The following KCTD15 variants were observed in gnomAD, a reference collection of about 807,000 sequenced individuals.
KCTD15 encodes potassium channel tetramerization domain containing 15, also known as BTB/POZ domain-containing protein KCTD15.
In KCTD15, 11 loss-of-function variants were observed where a neutral mutation model predicts 27.2. That is an observed-to-expected ratio of 0.41 (90% CI 0.25 to 0.67). KCTD15 has a LOEUF of 0.67. Ranked by LOEUF, KCTD15 falls within the 30% of genes least tolerant of loss-of-function variation. The probability of loss-of-function intolerance (pLI) is 0.35; values close to 1 mark genes in which losing one functional copy is unlikely to be tolerated. For missense variants in KCTD15, 350 were observed against 409.3 expected, an observed-to-expected ratio of 0.86 and a Z score of 1.25; for synonymous variants, 163 against 176.0, an observed-to-expected ratio of 0.93 and a Z score of 0.58.
At chr19:33,802,623 G>T (rs1176449874) in intron 4 of KCTD15, among the ~76,000 whole-genome samples, 2 of 151,894 alleles carry the variant, frequency 1.3e-5, no homozygotes, top group Non-Finnish European at 2.9e-5. Context: ...GGCTTGTGGG[G>T]TGGGGACAAG....
chr19:33,794,184 C>T (rs539152637), upstream of KCTD15, among the ~76,000 whole-genome samples: 1 of 152,296 alleles, frequency 6.6e-6, no homozygotes, highest in East Asian at 1.9e-4. Context: ...CACTTAGTAG[C>T]TCTGTAGTTC....
chr19:33,801,116 T>A (rs1420155341), intron 3 of KCTD15, 51 bp from the exon 4 acceptor site: 2 of 1,521,034 alleles, frequency 1.3e-6, no homozygotes, highest in African/African-American at 2.8e-5. Context: ...GTGGAGAAAC[T>A]CTTGTGTTCC....
In KCTD15 at chr19:33,812,485, G is replaced by A. The variant is rs78837537; in HGVS notation, c.694-305G>A. On this transcript the variant is annotated intron_variant, in intron 6 of 6. Coordinates refer to ENST00000683859, the MANE Select transcript of KCTD15 (RefSeq NM_001129994.2). ...GGTTACACCCTACAGAATAAAGAAG[G>A]GACCCAAAGCCTCTTTTTGCCTCCC... 0.012 allele frequency: 14,432 copies of A among 1,191,988 alleles called. 1,343 individuals are homozygous for A. In the African/African-American group the frequency reaches 0.2, roughly 17 times the overall value. The allele number at this position is 1,191,988 out of a possible 1,614,324, so 73.8% of individuals were successfully genotyped here.
chr19:33,812,972 G>GC lies in KCTD15; in HGVS notation c.*31dup, dbSNP rs541294534. The GC allele has an allele frequency of 1.7e-4, 252 of 1,526,862 alleles. No homozygotes were observed. In the African/African-American group the frequency reaches 2.3e-3, roughly 14 times the overall value. The allele number at this position is 1,526,862 out of a possible 1,614,324, so 94.6% of individuals were successfully genotyped here. ...AGGCCCTGCTTCAGTGCCCACCTGG[G>GC]CCCCCCCAGGGACCTGGAAACAGTG... is the stretch of plus-strand genomic sequence containing the variant. On this transcript the variant is annotated 3_prime_UTR_variant, in exon 7 of 7. Transcript: ENST00000683859.
chr19:33,804,882 A>C (rs1975665761), intron 4 of KCTD15, among the ~76,000 whole-genome samples: 1 of 152,172 alleles, frequency 6.6e-6, no homozygotes. Flanking sequence ...TCGGGCTCAC[A>C]GCAGACTCTG....
chr19:33,811,191 T>TCCCCCCC, intron 5 of KCTD15, 56 bp from the exon 6 acceptor site: 2 of 615,002 alleles, frequency 3.3e-6, no homozygotes, highest in Non-Finnish European at 4.9e-6. Context: ...CTCTCCCCCT[T>TCCCCCCC]CCCCCACCAC....
At position 33,800,478 on chromosome 19, in the gene KCTD15, G is replaced by A. The variant is rs770004544; in HGVS notation, c.24G>A (p.Pro8=). The change falls in exon 3 of 7, where the codon CCG becomes CCA. Residue 8 remains proline, a synonymous_variant. Coordinates refer to ENST00000683859, the MANE Select transcript of KCTD15 (RefSeq NM_001129994.2). MPHRKER[P]SGSSLHTHGS... ...AGATGCCTCACCGCAAGGAGCGGCC[G>A]AGCGGGTCCTCGCTTCACACACACG... is the stretch of plus-strand genomic sequence containing the variant. The A allele has an allele frequency of 6.9e-6, 11 of 1,605,654 alleles. No individual in the cohort carries two copies. The highest frequency in any genetic ancestry group is 5.6e-5 in the South Asian group (5 of 88,872).
Position 33,806,858 on chromosome 19 carries a change from C to T in KCTD15, c.243-5C>T, listed in dbSNP as rs1189774126. ...CAGACATCCCACCTCGCCTGTCTCT[C>T]CCAGGATAAGCCGCCTCTTCAATGG... On this transcript the variant is annotated splice_polypyrimidine_tract_variant and splice_region_variant and intron_variant, in intron 4 of 6. Coordinates refer to ENST00000683859, the MANE Select transcript of KCTD15 (RefSeq NM_001129994.2). 10 of 1,613,352 alleles carry T rather than the reference C, an allele frequency of 6.2e-6. No individual in the cohort carries two copies. In the Admixed American group the frequency reaches 1.5e-4, roughly 24 times the overall value.
chr19:33,800,967 T>G (rs1024197494), intron 3 of KCTD15, among the ~76,000 whole-genome samples, 200 bp from the exon 4 acceptor site: 1 of 152,212 alleles, frequency 6.6e-6, no homozygotes, highest in Admixed American at 6.5e-5. Flanking sequence ...CCTCTGGTAC[T>G]TTGAAGAAAA....
At chr19:33,797,631 GAC>G (rs1369420815) in intron 1 of KCTD15, among the ~76,000 whole-genome samples, 3 of 152,044 alleles carry the variant, frequency 2.0e-5, no homozygotes, top group Non-Finnish European at 2.9e-5. Flanking sequence ...CCCTGACCTG[GAC>G]GCGCGCACCC....
intron 5 of KCTD15, 112 bp from the exon 6 acceptor site, chr19:33,811,135 A>C: frequency 1.1e-6 from 1 of 876,080 alleles, no homozygotes; most frequent in Non-Finnish European, 1.7e-6. Flanking sequence ...ATACCCTGCG[A>C]GTCGCAGTTC....
At chr19:33,806,427 C>T (rs1975713946) in intron 4 of KCTD15, among the ~76,000 whole-genome samples, 1 of 152,062 alleles carries the variant, frequency 6.6e-6, no homozygotes, top group Non-Finnish European at 1.5e-5. Flanking sequence ...GGCTCGTTTA[C>T]TGGGTGTGTG....
intron 6 of KCTD15, chr19:33,811,886 A>G: frequency 6.3e-7 from 1 of 1,592,690 alleles, no homozygotes; most frequent in Non-Finnish European, 8.5e-7. Context: ...CCCAGGCAAC[A>G]GGCGAGGCAG....
upstream of KCTD15, chr19:33,796,231 CGAGCCCGGA>C (rs1335527824): frequency 6.6e-6 from 1 of 150,554 alleles, no homozygotes; most frequent in African/African-American, 2.4e-5. Context: ...GCCCCCTCCC[CGAGCCCGGA>C]GGAGGCCCGG....
At chr19:33,796,695 G>A (rs1368263681), upstream of KCTD15, among the ~76,000 whole-genome samples, 1 of 147,284 alleles carries the variant, frequency 6.8e-6, no homozygotes, top group Non-Finnish European at 1.5e-5. Flanking sequence ...CCGGAGAGCG[G>A]CGCGAGGAGG....
chr19:33,812,860 A>T lies in KCTD15; in HGVS notation c.764A>T (p.Gln255Leu). 7.1e-6 allele frequency: 11 copies of T among 1,546,514 alleles called. No homozygotes were observed. The highest frequency in any genetic ancestry group is 9.6e-6 in the Non-Finnish European group (11 of 1,144,408). Reference sequence around the variant, plus strand: ...TGTGGGGGCGGTGTGGACTCCTCCCAGTTCAGCGAGTATGTGCTTTGCCGG... The same window carrying T: ...TGTGGGGGCGGTGTGGACTCCTCCCTGTTCAGCGAGTATGTGCTTTGCCGG... ...ASCGGGVDSS[Q>L]FSEYVLCREE... The change falls in exon 7 of 7, where the codon CAG becomes CTG. Residue 255 changes from glutamine to leucine, a missense_variant. Around this residue, in one of 3 missense-constraint regions of KCTD15, gnomAD observed 219 missense variants for 234.9 expected, o/e 0.93. Transcript: ENST00000683859.
At chr19:33,812,510 C>G in intron 6 of KCTD15, 2 of 1,226,700 alleles carry the variant, frequency 1.6e-6, no homozygotes, top group East Asian at 3.4e-5. Context: ...TTTTGCCTCC[C>G]GGAATCAAGG....
upstream of KCTD15, among the ~76,000 whole-genome samples, chr19:33,794,217 T>C (rs867327338): frequency 4.6e-5 from 7 of 152,330 alleles, no homozygotes; most frequent in Middle Eastern, 6.8e-3. Context: ...TGAAGTGTCA[T>C]ATTAAAACCA....
At chr19:33,798,097 G>C (rs1022017135) in intron 1 of KCTD15, among the ~76,000 whole-genome samples, 4 of 148,830 alleles carry the variant, frequency 2.7e-5, no homozygotes, top group Non-Finnish European at 5.9e-5. Flanking sequence ...GGAGGGGGGG[G>C]GTGGGGAGGC....
Sources: gnomAD v4.1 joint callset for allele counts (sites outside exome capture counted in the v4.1 genomes callset) on GRCh38, gnomAD v4.1.1 for gene constraint, gnomAD v4.1.1 regional missense constraint, MANE v1.5 for transcripts, NCBI Gene and HGNC (gene_info 2026-07-23, HGNC 2026-07-21) for gene names.